The following CDKN2B-AS1 variants were observed in gnomAD, a reference collection of about 807,000 sequenced individuals.
The protein encoded by CDKN2B-AS1 is CDKN2B antisense RNA 1 (non-protein coding).
chr9:22,053,793 C>T (rs1473732383), intron 3 of CDKN2B-AS1, among the ~76,000 whole-genome samples: 1 of 152,132 alleles, frequency 6.6e-6, no homozygotes, highest in African/African-American at 2.4e-5. Context: ...GACCTGATTG[C>T]TGTATTTTAT....
chr9:22,119,525 A>T (rs1478056028), intron 4 of CDKN2B-AS1: 1 of 152,236 alleles, frequency 6.6e-6, no homozygotes, highest in African/African-American at 2.4e-5. Flanking sequence ...AAAAAGGGTC[A>T]TGAGCTTATT....
intron 4 of CDKN2B-AS1, among the ~76,000 whole-genome samples, chr9:22,109,181 CAG>C (rs1825738462): frequency 6.6e-6 from 1 of 152,180 alleles, no homozygotes; most frequent in Non-Finnish European, 1.5e-5. Context: ...TGTCACCTGA[CAG>C]AAACTTTGGA....
intron 4 of CDKN2B-AS1, among the ~76,000 whole-genome samples, chr9:22,126,333 G>A (rs1258165385): frequency 6.6e-6 from 1 of 152,000 alleles, no homozygotes; most frequent in African/African-American, 2.4e-5. Flanking sequence ...AAAATGAGAG[G>A]TCTATCATAG....
chr9:22,056,629 C>T (rs762325881), intron 4 of CDKN2B-AS1, among the ~76,000 whole-genome samples: 12 of 152,272 alleles, frequency 7.9e-5, no homozygotes, highest in African/African-American at 2.2e-4. Flanking sequence ...CACAGTTTCT[C>T]GGTCTTCTTT....
At chr9:22,009,887 G>A (rs537617038) in intron 1 of CDKN2B-AS1, among the ~76,000 whole-genome samples, 2 of 152,176 alleles carry the variant, frequency 1.3e-5, no homozygotes, top group Non-Finnish European at 2.9e-5. Flanking sequence ...CATGTTTTGC[G>A]TGTGCTTTTT....
chr9:22,103,322 C>G (rs1825555441), intron 4 of CDKN2B-AS1, among the ~76,000 whole-genome samples: 1 of 152,064 alleles, frequency 6.6e-6, no homozygotes, highest in African/African-American at 2.4e-5. Flanking sequence ...TCTGGATTTT[C>G]TTTTCTGGAG....
intron 1 of CDKN2B-AS1, among the ~76,000 whole-genome samples, chr9:22,041,091 A>G (rs546007087): frequency 5.3e-5 from 8 of 152,188 alleles, no homozygotes; most frequent in South Asian, 2.1e-4. Context: ...AAAAATTTCC[A>G]TGAAAACAGA....
At chr9:22,071,586 C>A (rs192090011) in intron 4 of CDKN2B-AS1, among the ~76,000 whole-genome samples, 2 of 151,946 alleles carry the variant, frequency 1.3e-5, no homozygotes, top group East Asian at 3.9e-4. Flanking sequence ...ATTTTTGTGA[C>A]CCTGGGTATT....
chr9:22,040,050 A>C (rs1563940082), intron 1 of CDKN2B-AS1, among the ~76,000 whole-genome samples: 1 of 151,998 alleles, frequency 6.6e-6, no homozygotes, highest in Admixed American at 6.6e-5. Flanking sequence ...ACCTTGAATA[A>C]ATTCTTCCCT....
intron 4 of CDKN2B-AS1, among the ~76,000 whole-genome samples, chr9:22,093,925 C>A (rs1021457143): frequency 6.9e-6 from 1 of 144,698 alleles, no homozygotes; most frequent in Non-Finnish European, 1.5e-5. Context: ...ATGGTCTTTA[C>A]AATTTGGCAT....
At chr9:22,109,046 A>G (rs1825735334) in intron 4 of CDKN2B-AS1, among the ~76,000 whole-genome samples, 1 of 152,186 alleles carries the variant, frequency 6.6e-6, no homozygotes, top group South Asian at 2.1e-4. Flanking sequence ...TTTTCCCCAG[A>G]AGAAAAATTC....
intron 4 of CDKN2B-AS1, among the ~76,000 whole-genome samples, chr9:22,106,151 C>T (rs1308716324): frequency 6.6e-6 from 1 of 152,054 alleles, no homozygotes; most frequent in Admixed American, 6.6e-5. Flanking sequence ...GGCATGAACT[C>T]GGCTCACTGC....
chr9:22,024,031 T>G (rs1233504128), intron 1 of CDKN2B-AS1, among the ~76,000 whole-genome samples: 1 of 152,222 alleles, frequency 6.6e-6, no homozygotes. Context: ...ATTATTGAGT[T>G]TTCAGTGTTC....
At chr9:22,016,816 C>T (rs1329133001) in intron 1 of CDKN2B-AS1, among the ~76,000 whole-genome samples, 6 of 152,278 alleles carry the variant, frequency 3.9e-5, no homozygotes, top group East Asian at 3.9e-4. Flanking sequence ...ATTAAAGAGT[C>T]GTAGCATCTT....
Position 22,002,323 on chromosome 9 carries a change from G to A in CDKN2B-AS1, n.29+7162G>A, listed in dbSNP as rs3217996. 2.6e-3 allele frequency among the ~76,000 whole-genome samples: 400 copies of A among 152,052 alleles called. 3 individuals are homozygous for A. The highest frequency in any genetic ancestry group is 9.1e-3 in the African/African-American group (377 of 41,506). ...TGTCTCTAAGTTTTGCATATCATTA[G>A]TTCTACTTGCTCCACTTTTGATAGA... On this transcript the variant is annotated intron_variant and non_coding_transcript_variant, in intron 1 of 4. Transcript: ENST00000650946.
rs1015246618 is a variant in CDKN2B-AS1 at position 22,080,351 on chromosome 9, A to T, written n.438+23964A>T. On this transcript the variant is annotated intron_variant and non_coding_transcript_variant, in intron 4 of 4. Transcript: ENST00000650946. ...AAGAGAGTAACAAGGGTCCTTTGAT[A>T]TTTTCCGTGTTCACTATGATCAAGC... Among the ~76,000 whole-genome samples the T allele has an allele frequency of 5.3e-5, 8 of 152,126 alleles. 1 individual carries two copies. The South Asian group carries it at 1.7e-3, about 32-fold the overall frequency.
intron 1 of CDKN2B-AS1, chr9:22,003,605 T>A (rs1821026434): frequency 4.4e-6 from 1 of 229,780 alleles, no homozygotes; most frequent in African/African-American, 2.2e-5. Flanking sequence ...TAAAATACTG[T>A]AACTTTAAAA....
Position 22,012,206 on chromosome 9 carries a change from G to A in CDKN2B-AS1, n.29+17045G>A, listed in dbSNP as rs561948279. On this transcript the variant is annotated intron_variant and non_coding_transcript_variant, in intron 1 of 4. Coordinates refer to ENST00000650946, the Ensembl canonical transcript of CDKN2B-AS1. The stretch of plus-strand genomic sequence containing the variant: ...GGGCAAGACCATCACCCTTGAGGTC[G>A]AGCCCAGTGACACCATTGAGAATGT... 111 of 1,403,478 alleles carry A rather than the reference G, an allele frequency of 7.9e-5. 3 individuals are homozygous for A. Among genetic ancestry groups the A allele is most frequent in the South Asian group, 6.2e-4 (54 of 86,550 alleles). The allele number at this position is 1,403,478 out of a possible 1,614,324, so 86.9% of individuals were successfully genotyped here. A position where few individuals can be genotyped will look rare whatever the true frequency, so the allele number is the denominator to read the frequency against.
At chr9:22,004,635 C>A (rs1032249237) in intron 1 of CDKN2B-AS1, 2 of 232,464 alleles carry the variant, frequency 8.6e-6, no homozygotes, top group African/African-American at 4.4e-5. Flanking sequence ...GATCAAGCAA[C>A]CCTGGAAATT....
Sources: allele counts gnomAD v4.1 joint callset (sites outside exome capture counted in the v4.1 genomes callset), GRCh38; gene constraint gnomAD v4.1.1; transcripts MANE v1.5; gene names NCBI Gene and HGNC (gene_info 2026-07-23, HGNC 2026-07-21).